The following IGF1 variants were observed in gnomAD, a reference collection of about 807,000 sequenced individuals.
IGF1 encodes insulin like growth factor 1.
IGF1 carries 4 observed loss-of-function variants against 13.8 expected under a neutral mutation model. The ratio of observed to expected loss-of-function variants is 0.29; its 90% CI spans 0.14 to 0.66. The LOEUF (loss-of-function observed/expected upper bound fraction) is 0.66, where lower values mean the gene tolerates loss of function less well. Among genes scored for constraint, IGF1 ranks in the 30% least tolerant of loss-of-function variants. The pLI is 0.78. For missense variants in IGF1, 124 were observed against 188.5 expected, an observed-to-expected ratio of 0.66 and a Z score of 2.00; for synonymous variants, 76 against 72.6, an observed-to-expected ratio of 1.05 and a Z score of -0.23.
intron 2 of IGF1, among the ~76,000 whole-genome samples, chr12:102,461,007 G>A (rs186364241): frequency 8.5e-5 from 13 of 152,204 alleles, no homozygotes; most frequent in Non-Finnish European, 1.0e-4. Flanking sequence ...GTTCATTTAC[G>A]TATCATTGTT....
At chr12:102,474,862 G>A (rs768186111) in intron 2 of IGF1, among the ~76,000 whole-genome samples, 6 of 152,076 alleles carry the variant, frequency 3.9e-5, no homozygotes, top group Non-Finnish European at 7.4e-5. Context: ...TTATTTATAC[G>A]CCTTGACTTG....
chr12:102,437,411 C>G (rs1877343126), intron 2 of IGF1, among the ~76,000 whole-genome samples: 1 of 152,254 alleles, frequency 6.6e-6, no homozygotes, highest in South Asian at 2.1e-4. Flanking sequence ...TGATTTTTCA[C>G]TCTGTTAATT....
chr12:102,464,483 AG>A (rs1201933817), intron 2 of IGF1, among the ~76,000 whole-genome samples: 1 of 148,684 alleles, frequency 6.7e-6, no homozygotes, highest in African/African-American at 2.5e-5. Flanking sequence ...GAAAAACAGG[AG>A]GGGGGAAAAC....
At chr12:102,449,645 A>T (rs1878738314) in intron 2 of IGF1, among the ~76,000 whole-genome samples, 1 of 145,762 alleles carries the variant, frequency 6.9e-6, no homozygotes, top group African/African-American at 2.5e-5. Context: ...CAACTAGAGG[A>T]ATGTCAGCAC....
chr12:102,461,200 G>A (rs1407357633), intron 2 of IGF1, among the ~76,000 whole-genome samples: 1 of 152,122 alleles, frequency 6.6e-6, no homozygotes, highest in East Asian at 1.9e-4. Flanking sequence ...TACCTGCCCT[G>A]CTGTGGGACA....
At position 102,397,218 on chromosome 12, in the gene IGF1, A is replaced by G. The variant is rs554492318; in HGVS notation, c.*5289T>C. ...CCCCATCTCACAAAAAGGAAAAAAA[A>G]AAAGAGGGAACACGTGAAATATATG... On this transcript the variant is annotated 3_prime_UTR_variant, in exon 4 of 4. Transcript: ENST00000337514. 1 of 173,906 alleles carries G rather than the reference A, an allele frequency of 5.8e-6. No homozygotes were observed. Among genetic ancestry groups the G allele is most frequent in the Non-Finnish European group, 1.2e-5 (1 of 82,962 alleles). 10.8% of individuals were successfully genotyped at this position (173,906 alleles called of 1,614,324 possible). A position where few individuals can be genotyped will look rare whatever the true frequency, so the allele number is the denominator to read the frequency against.
chr12:102,451,351 A>G (rs1382324032), intron 2 of IGF1, among the ~76,000 whole-genome samples: 1 of 152,214 alleles, frequency 6.6e-6, no homozygotes, highest in African/African-American at 2.4e-5. Context: ...AGCGCATTTT[A>G]TTGCTCTCTA....
At chr12:102,437,817 A>G (rs531782265) in intron 2 of IGF1, among the ~76,000 whole-genome samples, 11 of 152,228 alleles carry the variant, frequency 7.2e-5, no homozygotes, top group Non-Finnish European at 1.6e-4. Flanking sequence ...GAGGTGATCG[A>G]TATGCTAAAT....
chr12:102,442,216 TG>T (rs1877927369), intron 2 of IGF1, among the ~76,000 whole-genome samples: 1 of 152,104 alleles, frequency 6.6e-6, no homozygotes, highest in Middle Eastern at 3.4e-3. Flanking sequence ...CTCAAATTGC[TG>T]GAATTTCAGG....
intron 3 of IGF1, 140 bp downstream of exon 3, chr12:102,419,369 G>C (rs935962733): frequency 2.0e-5 from 15 of 744,576 alleles, no homozygotes; most frequent in Admixed American, 5.5e-5. Flanking sequence ...AGATGGGGAT[G>C]TAATCCATCC....
chr12:102,476,787 A>G (rs1881078646), intron 1 of IGF1, among the ~76,000 whole-genome samples: 1 of 152,222 alleles, frequency 6.6e-6, no homozygotes, highest in Non-Finnish European at 1.5e-5. Flanking sequence ...TCAATGATAG[A>G]CTGCCAAACG....
chr12:102,414,327 C>T (rs1038859094), intron 3 of IGF1, among the ~76,000 whole-genome samples: 1 of 152,110 alleles, frequency 6.6e-6, no homozygotes, highest in African/African-American at 2.4e-5. Flanking sequence ...ACATGATCTG[C>T]CCAAAGCCAC....
intron 2 of IGF1, among the ~76,000 whole-genome samples, chr12:102,454,888 CACA>C (rs1237688773): frequency 6.6e-6 from 1 of 152,206 alleles, no homozygotes; most frequent in African/African-American, 2.4e-5. Context: ...GCCTCTATAT[CACA>C]ATGCGTTAGT....
intron 2 of IGF1, among the ~76,000 whole-genome samples, chr12:102,432,989 C>G (rs1650588111): frequency 1.3e-5 from 2 of 152,124 alleles, no homozygotes; most frequent in South Asian, 4.1e-4. Flanking sequence ...GCTGCCAAGA[C>G]AGCACCACAC....
intron 2 of IGF1, among the ~76,000 whole-genome samples, chr12:102,431,142 C>A (rs898636733): frequency 6.6e-6 from 1 of 152,168 alleles, no homozygotes; most frequent in Non-Finnish European, 1.5e-5. Flanking sequence ...TTCTGCATTT[C>A]TCTGAATGTC....
At chr12:102,432,022 A>T (rs928770458) in intron 2 of IGF1, among the ~76,000 whole-genome samples, 2 of 152,234 alleles carry the variant, frequency 1.3e-5, no homozygotes, top group African/African-American at 4.8e-5. Context: ...AGACACTGAA[A>T]TAGAGAAGTT....
chr12:102,408,491 G>T (rs1466424273), intron 3 of IGF1, among the ~76,000 whole-genome samples: 1 of 152,112 alleles, frequency 6.6e-6, no homozygotes, highest in African/African-American at 2.4e-5. Flanking sequence ...TTGTTTATGT[G>T]GCTGCTTCTT....
At chr12:102,418,750 C>T (rs1456224516) in intron 3 of IGF1, among the ~76,000 whole-genome samples, 1 of 152,180 alleles carries the variant, frequency 6.6e-6, no homozygotes, top group Admixed American at 6.5e-5. Context: ...GATCAAGTGA[C>T]TAAATGTGCA....
rs1392408594 is a variant in IGF1 at position 102,401,349 on chromosome 12, T to C, written c.*1158A>G. 1.3e-5 allele frequency: 2 copies of C among 152,490 alleles called. No individual in the cohort carries two copies. Among genetic ancestry groups the C allele is most frequent in the Non-Finnish European group, 2.9e-5 (2 of 68,096 alleles). 9.4% of individuals were successfully genotyped at this position (152,490 alleles called of 1,614,324 possible). A position where few individuals can be genotyped will look rare whatever the true frequency, so the allele number is the denominator to read the frequency against. On this transcript the variant is annotated 3_prime_UTR_variant, in exon 4 of 4. Transcript: ENST00000337514. ...AAAAAGAAACCAGGACTGCTAAAAT[T>C]CCTAGCCTTCTGCTTTTTCCATTCC...
Sources: gnomAD v4.1 joint callset for allele counts (sites outside exome capture counted in the v4.1 genomes callset) on GRCh38, gnomAD v4.1.1 for gene constraint, MANE v1.5 for transcripts, NCBI Gene and HGNC (gene_info 2026-07-23, HGNC 2026-07-21) for gene names.